Variants in ZWILCH observed in about 807,000 individuals in gnomAD.
The protein encoded by ZWILCH is zwilch kinetochore protein.
Under a neutral mutation model 79.9 loss-of-function variants are expected in ZWILCH, and 74 were observed. That is an observed-to-expected ratio of 0.93 (90% CI 0.77 to 1.12). The LOEUF (loss-of-function observed/expected upper bound fraction) is 1.12, where lower values mean the gene tolerates loss of function less well. Among genes scored for constraint, ZWILCH ranks in the 50% most tolerant of loss-of-function variants. ZWILCH has a pLI of 0.00. For missense variants in ZWILCH, 694 were observed against 687.5 expected (o/e 1.01, Z -0.11); for synonymous variants, 241 against 228.2 (o/e 1.06, Z -0.51).
chr15:66,527,825 T>C (rs1489339047), intron 9 of ZWILCH, 32 bp from the exon 10 acceptor site: 1 of 1,581,392 alleles, frequency 6.3e-7, no homozygotes, highest in Non-Finnish European at 8.6e-7. Flanking sequence ...AGCAGAAAAA[T>C]CAAGAGCTAA....
At chr15:66,536,783 T>A (rs182356521) in intron 15 of ZWILCH, among the ~76,000 whole-genome samples, 1 of 152,308 alleles carries the variant, frequency 6.6e-6, no homozygotes, top group Admixed American at 6.5e-5. Context: ...GAGTTAACTG[T>A]AATTCCTTGG....
chr15:66,515,610 G>A lies in ZWILCH; in HGVS notation c.286G>A (p.Val96Ile). Residue 96 changes from valine (V) to isoleucine (I), a missense_variant, in exon 4 of 19, where the codon GTT becomes ATT. Coordinates refer to ENST00000307897, the MANE Select transcript of ZWILCH (RefSeq NM_017975.5). ...AISDFSTGEN[V>I]GPLALPVGKA... ...ATCTGATTTCTCTACTGGCGAAAATGTTGGACCACTTGCTTTACCAGTTGG... is the reference window on the plus strand; with the variant it reads ...ATCTGATTTCTCTACTGGCGAAAATATTGGACCACTTGCTTTACCAGTTGG... 6.2e-7 allele frequency: 1 copy of A among 1,613,852 alleles called. No individual in the cohort carries two copies. The highest frequency in any genetic ancestry group is 2.2e-5 in the East Asian group (1 of 44,878).
chr15:66,517,072 A>G (rs956708009), intron 4 of ZWILCH, among the ~76,000 whole-genome samples: 1 of 151,924 alleles, frequency 6.6e-6, no homozygotes, highest in Non-Finnish European at 1.5e-5. Flanking sequence ...TTTAGTTTTC[A>G]TGTCTTTGAA....
intron 6 of ZWILCH, 42 bp downstream of exon 6, chr15:66,520,702 T>A: frequency 7.7e-7 from 1 of 1,306,088 alleles, no homozygotes; most frequent in Non-Finnish European, 1.1e-6. Context: ...CTTCAAATTG[T>A]TGTCAACCTG....
chr15:66,528,863 T>C lies in ZWILCH; in HGVS notation c.981T>C (p.His327=). The change falls in exon 11 of 19, where the codon CAT becomes CAC. Residue 327 remains histidine, a synonymous_variant. Coordinates refer to ENST00000307897, the MANE Select transcript of ZWILCH (RefSeq NM_017975.5). ...KKDTEVETLK[H]DTAAVDRSVK... is the part of the protein sequence containing the mutation. ...TGCTTCTTTTTCAGACCTTGAAGCA[T>C]GACACTGCTGCAGTCGATCGTTCCG... The C allele has an allele frequency of 6.2e-7, 1 of 1,613,900 alleles. No homozygotes were observed. The highest frequency in any genetic ancestry group is 2.2e-5 in the East Asian group (1 of 44,878).
At chr15:66,514,985 A>T (rs1894201188) in intron 3 of ZWILCH, among the ~76,000 whole-genome samples, 1 of 152,170 alleles carries the variant, frequency 6.6e-6, no homozygotes, top group Non-Finnish European at 1.5e-5. Context: ...TCTTTTGCCC[A>T]GGCTGGAGTG....
intron 16 of ZWILCH, among the ~76,000 whole-genome samples, chr15:66,537,862 C>G (rs1432670730): frequency 1.3e-5 from 2 of 152,152 alleles, no homozygotes; most frequent in Non-Finnish European, 2.9e-5. Context: ...AGAGTTCTCC[C>G]TCTTCCTTCT....
intron 2 of ZWILCH, among the ~76,000 whole-genome samples, chr15:66,511,510 A>AG (rs1443729724): frequency 2.0e-5 from 3 of 151,722 alleles, no homozygotes; most frequent in Non-Finnish European, 4.4e-5. Flanking sequence ...AAAAAAAAAA[A>AG]GATAAAAAGA....
intron 13 of ZWILCH, 131 bp downstream of exon 13, chr15:66,532,534 A>G (rs1302840493): frequency 1.5e-6 from 1 of 684,846 alleles, no homozygotes; most frequent in Non-Finnish European, 2.3e-6. Context: ...CTGGTTCACT[A>G]TGAGATGAGC....
rs1894480905 is a variant in ZWILCH at position 66,521,164 on chromosome 15, G to A, written c.706G>A (p.Glu236Lys). Residue 236 changes from glutamate (E) to lysine (K), a missense_variant, in exon 7 of 19, where the codon GAG becomes AAG. Glu to Lys is a moderately conservative substitution (Grantham distance 56). Coordinates refer to ENST00000307897, the MANE Select transcript of ZWILCH (RefSeq NM_017975.5). ...GGATATTTCCTGGAGTCCTGTGGAT[G>A]AGATTCTTCAAATCCCTCCACTCTC... ...ALDISWSPVD[E>K]ILQIPPLSST... The A allele has an allele frequency of 1.2e-6, 2 of 1,613,612 alleles. No individual in the cohort carries two copies. The highest frequency in any genetic ancestry group is 1.7e-6 in the Non-Finnish European group (2 of 1,180,016).
rs906034498 is a variant in ZWILCH at position 66,518,951 on chromosome 15, T to C, written c.393T>C (p.Thr131=). 3.1e-6 allele frequency: 5 copies of C among 1,614,254 alleles called. No homozygotes were observed. In the South Asian group the frequency reaches 5.5e-5, roughly 18 times the overall value. Residue 131 remains threonine (T), a synonymous_variant, in exon 5 of 19, where the codon ACT becomes ACC. Transcript: ENST00000307897. ...ATTTGAAGATTAATCTGCCAGTTAC[T>C]GCCCTTCCTCCCCTTTGGGTAAGAT... The part of the protein sequence containing the change: ...MTHLKINLPV[T]ALPPLWVRCD...
At chr15:66,535,153 G>A (rs1204365878) in intron 14 of ZWILCH, among the ~76,000 whole-genome samples, 1 of 151,848 alleles carries the variant, frequency 6.6e-6, no homozygotes, top group African/African-American at 2.4e-5. Context: ...ACATCTTGTC[G>A]CACTGGAAGC....
chr15:66,548,206 C>A (rs1389530038), intron 18 of ZWILCH, 145 bp from the exon 19 acceptor site: 1 of 231,782 alleles, frequency 4.3e-6, no homozygotes, highest in African/African-American at 2.3e-5. Flanking sequence ...AGTTTGTATA[C>A]TATGATGCCA....
intron 6 of ZWILCH, 26 bp from the exon 7 acceptor site, chr15:66,521,022 AAT>A (rs1894472020): frequency 6.2e-7 from 1 of 1,607,788 alleles, no homozygotes; most frequent in Non-Finnish European, 8.5e-7. Flanking sequence ...AGCACAGCTA[AAT>A]GATCTGCTGG....
At chr15:66,508,792 C>T (rs372786136) in intron 1 of ZWILCH, 49 bp from the exon 2 acceptor site, 148 of 1,609,862 alleles carry the variant, frequency 9.2e-5, no homozygotes, top group East Asian at 3.1e-4. Context: ...GTGTGAATAA[C>T]GGGAGAGATA....
chr15:66,529,019 T>G, intron 11 of ZWILCH, 62 bp downstream of exon 11: 2 of 1,342,816 alleles, frequency 1.5e-6, no homozygotes, highest in Non-Finnish European at 2.1e-6. Context: ...TTAAGTCTTT[T>G]GGAAATAATA....
At chr15:66,517,426 G>GTATATATATA (rs1894311535) in intron 4 of ZWILCH, among the ~76,000 whole-genome samples, 1 of 25,076 alleles carries the variant, frequency 4.0e-5, no homozygotes, top group African/African-American at 3.6e-4. Context: ...GCGTGTGTGT[G>GTATATATATA]TGTGTATATA....
chr15:66,509,869 A>G (rs796473960), intron 2 of ZWILCH, among the ~76,000 whole-genome samples: 9 of 102,246 alleles, frequency 8.8e-5, no homozygotes, highest in African/African-American at 2.9e-4. Context: ...ATATATATAT[A>G]TCTCTTAAAA....
chr15:66,531,515 C>T (rs1310005265), intron 12 of ZWILCH, among the ~76,000 whole-genome samples: 3 of 152,052 alleles, frequency 2.0e-5, no homozygotes, highest in Non-Finnish European at 4.4e-5. Context: ...GGCTGGAGTG[C>T]AGTGCTGTGA....
Sources: gnomAD v4.1 joint callset for allele counts (sites outside exome capture counted in the v4.1 genomes callset) on GRCh38, gnomAD v4.1.1 for gene constraint, MANE v1.5 for transcripts, NCBI Gene and HGNC (gene_info 2026-07-23, HGNC 2026-07-21) for gene names.